NXPE2: variants seen among roughly 807,000 people sequenced by gnomAD.
NXPE2 encodes neurexophilin and PC-esterase domain family member 2, also known as NXPE family member 2.
Under a neutral mutation model 34.4 loss-of-function variants are expected in NXPE2, and 34 were observed. The ratio of observed to expected loss-of-function variants is 0.99; its 90% CI spans 0.75 to 1.31. The LOEUF (loss-of-function observed/expected upper bound fraction) is 1.31, where lower values mean the gene tolerates loss of function less well. Among genes scored for constraint, NXPE2 ranks in the 40% most tolerant of loss-of-function variants. The pLI is 0.00. For missense variants in NXPE2, 649 were observed against 672.5 expected (o/e 0.97, Z 0.39); for synonymous variants, 235 against 231.3 (o/e 1.02, Z -0.15).
the NXPE2 span, chr11:114,530,477 G>A: frequency 6.2e-7 from 1 of 1,614,210 alleles, no homozygotes; most frequent in South Asian, 1.1e-5. Context: ...GCAGAGACAG[G>A]GAGACCTGGC....
the NXPE2 span, among the ~76,000 whole-genome samples, chr11:114,467,952 C>T: frequency 1.3e-5 from 2 of 151,074 alleles, no homozygotes; most frequent in African/African-American, 4.9e-5. Context: ...CAAAACGAAA[C>T]AAAAAAACAA....
the NXPE2 span, among the ~76,000 whole-genome samples, chr11:114,557,662 T>C: frequency 7.6e-6 from 1 of 131,812 alleles, no homozygotes; most frequent in Non-Finnish European, 1.5e-5. Flanking sequence ...TATATATATA[T>C]ATATATATAT....
chr11:114,495,593 A>G, the NXPE2 span, among the ~76,000 whole-genome samples: 1 of 151,312 alleles, frequency 6.6e-6, no homozygotes, highest in Non-Finnish European at 1.5e-5. Context: ...ATCTTCCTAT[A>G]GCCACCACAG....
At chr11:114,502,865 G>T in the NXPE2 span, among the ~76,000 whole-genome samples, 1 of 152,156 alleles carries the variant, frequency 6.6e-6, no homozygotes, top group Non-Finnish European at 1.5e-5. Flanking sequence ...TTTCTTTTAA[G>T]TTTCCCTGGG....
At chr11:114,554,480 TAAAA>T in the NXPE2 span, 1 of 615,610 alleles carries the variant, frequency 1.6e-6, no homozygotes, top group Non-Finnish European at 2.0e-6. Flanking sequence ...TCCAAATACA[TAAAA>T]TAAAATGTAT....
the NXPE2 span, among the ~76,000 whole-genome samples, chr11:114,520,553 G>A: frequency 2.0e-5 from 3 of 152,178 alleles, no homozygotes; most frequent in African/African-American, 7.2e-5. Context: ...CTTGGCTATT[G>A]TGAATAATGC....
chr11:114,805,238 T>A, the NXPE2 span, among the ~76,000 whole-genome samples: 11 of 151,924 alleles, frequency 7.2e-5, no homozygotes, highest in East Asian at 2.0e-3. Flanking sequence ...GGAACAGCTC[T>A]GGTCTACAGC....
the NXPE2 span, among the ~76,000 whole-genome samples, chr11:114,534,119 C>T: frequency 7.2e-5 from 11 of 152,322 alleles, no homozygotes; most frequent in East Asian, 1.4e-3. Context: ...GCAGCATTTG[C>T]GGTTAACCAA....
At chr11:114,700,587 G>A (rs1216612715) in intron 3 of NXPE2, among the ~76,000 whole-genome samples, 1 of 152,148 alleles carries the variant, frequency 6.6e-6, no homozygotes, top group Non-Finnish European at 1.5e-5. Context: ...ATGTCTGTCA[G>A]GAAGTCATTC....
the NXPE2 span, among the ~76,000 whole-genome samples, chr11:114,793,952 T>C: frequency 1.3e-5 from 2 of 152,178 alleles, no homozygotes; most frequent in Non-Finnish European, 2.9e-5. Context: ...GCTTTACCTT[T>C]GCCTGAATCC....
chr11:114,741,633 A>C, the NXPE2 span, among the ~76,000 whole-genome samples: 1 of 152,028 alleles, frequency 6.6e-6, no homozygotes, highest in Non-Finnish European at 1.5e-5. Context: ...CATTCATTAT[A>C]TTCTTCAGCT....
chr11:114,523,912 G>A, the NXPE2 span, among the ~76,000 whole-genome samples: 3 of 152,212 alleles, frequency 2.0e-5, no homozygotes, highest in Non-Finnish European at 4.4e-5. Context: ...TTTGAATGCT[G>A]TAAGAAAGAC....
At chr11:114,663,739 G>A in the NXPE2 span, among the ~76,000 whole-genome samples, 13 of 147,470 alleles carry the variant, frequency 8.8e-5, no homozygotes, top group African/African-American at 2.5e-4. Flanking sequence ...ATCTATTGGC[G>A]AACTCAATAA....
At chr11:114,779,860 C>T in the NXPE2 span, among the ~76,000 whole-genome samples, 1 of 152,132 alleles carries the variant, frequency 6.6e-6, no homozygotes. Flanking sequence ...CGAACCCCTC[C>T]AAATTCCCTC....
the NXPE2 span, among the ~76,000 whole-genome samples, chr11:114,597,060 A>G: frequency 2.6e-5 from 4 of 152,158 alleles, no homozygotes; most frequent in African/African-American, 4.8e-5. Flanking sequence ...GGAAGTTGGA[A>G]AAACTATCTT....
At chr11:114,718,384 A>C in the NXPE2 span, among the ~76,000 whole-genome samples, 3 of 152,240 alleles carry the variant, frequency 2.0e-5, no homozygotes, top group Non-Finnish European at 4.4e-5. Flanking sequence ...CAAAGTCAAC[A>C]TTAACAACAA....
chr11:114,810,475 G>A, the NXPE2 span, among the ~76,000 whole-genome samples: 2 of 147,552 alleles, frequency 1.4e-5, no homozygotes, highest in African/African-American at 2.5e-5. Context: ...AATCTACAAT[G>A]AACTCAAACA....
chr11:114,544,973 T>G, the NXPE2 span, among the ~76,000 whole-genome samples: 1 of 152,106 alleles, frequency 6.6e-6, no homozygotes, highest in Non-Finnish European at 1.5e-5. Context: ...GACACTCAAT[T>G]TTATTCGTCA....
chr11:114,795,548 C>T, the NXPE2 span, among the ~76,000 whole-genome samples: 2 of 152,190 alleles, frequency 1.3e-5, no homozygotes, highest in African/African-American at 4.8e-5. Context: ...TCTGTTTAGT[C>T]CCTGTTGCCC....
Sources: gnomAD v4.1 joint callset for allele counts (sites outside exome capture counted in the v4.1 genomes callset) on GRCh38, gnomAD v4.1.1 for gene constraint, MANE v1.5 for transcripts, NCBI Gene and HGNC (gene_info 2026-07-23, HGNC 2026-07-21) for gene names.